The following OR1C1 variants were observed in gnomAD, a reference collection of about 807,000 sequenced individuals.
The protein encoded by OR1C1 is olfactory receptor family 1 subfamily C member 1.
For missense variants in OR1C1, 407 were observed against 384.3 expected (o/e 1.06, Z -0.49); for synonymous variants, 153 against 154.6 (o/e 0.99, Z 0.08).
rs2103232671 is a variant in OR1C1, at chr1:247,756,562, T to C, written c.*900A>G. On this transcript the variant is annotated 3_prime_UTR_variant, in exon 2 of 2. Transcript: ENST00000641256. The surrounding 1 kb of genome is among the most constrained non-coding windows in gnomAD (Gnocchi z 4.3). ...GTAAAATTGTAGAAAGGAACCGGAA[T>C]AGGTTGAATAAACAATTAGATTGGA... 1 of 152,312 alleles carries C rather than the reference T, an allele frequency of 6.6e-6. No homozygotes were observed. Among genetic ancestry groups the C allele is most frequent in the South Asian group, 2.1e-4 (1 of 4,830 alleles). 9.4% of individuals were successfully genotyped at this position (152,312 alleles called of 1,614,324 possible).
chr1:247,757,081 C>A lies in OR1C1; in HGVS notation c.*381G>T. On this transcript the variant is annotated 3_prime_UTR_variant, in exon 2 of 2. Transcript: ENST00000641256. ...GTCGAATTAACATTAGAATTTATGCCCCTTTAATTCTAAATCTGAACTCAC... is the reference window on the plus strand; with the variant it reads ...GTCGAATTAACATTAGAATTTATGCACCTTTAATTCTAAATCTGAACTCAC... 6.1e-6 allele frequency: 1 copy of A among 163,182 alleles called. No homozygotes were observed. The highest frequency in any genetic ancestry group is 1.3e-5 in the Non-Finnish European group (1 of 74,866). 10.1% of individuals were successfully genotyped at this position (163,182 alleles called of 1,614,324 possible).
At position 247,757,835 on chromosome 1, in the gene OR1C1, T is replaced by A. The variant is rs575345120; in HGVS notation, c.572A>T (p.Asp191Val). 2.5e-6 allele frequency: 4 copies of A among 1,613,884 alleles called. No homozygotes were observed. The highest frequency in any genetic ancestry group is 3.3e-5 in the Admixed American group (2 of 59,948). ...AATGATCATTACATTGAAGGAGACG[T>A]CAGAGCAAGAGAGCTGCAGGAGAGG... Reference protein sequence around the residue: ...LNPLLQLSCSDVSFNVMIIFA... With the variant: ...LNPLLQLSCSVVSFNVMIIFA... Residue 191 changes from aspartate (D) to valine (V), a missense_variant, in exon 2 of 2, where the codon GAC becomes GTC. Physicochemically the swap from Asp to Val is radical, Grantham distance 152. Transcript: ENST00000641256.
At position 247,757,754 on chromosome 1, in the gene OR1C1, T is replaced by C. The variant is rs546878207; in HGVS notation, c.653A>G (p.Tyr218Cys). 1.8e-4 allele frequency: 292 copies of C among 1,613,996 alleles called. 3 individuals carry two copies. In the South Asian group the frequency reaches 3.1e-3, roughly 17 times the overall value. ...CAGAACAGTGGAGAAGATAAGTCCA[T>C]AAGATACGAGGATACAGACAAGGGG... ...LTPLVCILVS[Y>C]GLIFSTVLKI... is the part of the protein sequence containing the mutation. Residue 218 changes from tyrosine (Y) to cysteine (C), a missense_variant, in exon 2 of 2, where the codon TAT becomes TGT. Tyr to Cys is a radical substitution (Grantham distance 194). Transcript: ENST00000641256.
chr1:247,758,388 T>G lies in OR1C1; in HGVS notation c.19A>C (p.Thr7Pro). MEKRNL[T>P]VVREFVLLGL... ...AGAAGGACGAATTCCCTGACAACTG[T>G]TAGATTTCTTTTTTCCATATTCCCA... Residue 7 changes from threonine (T) to proline (P), a missense_variant, in exon 2 of 2, where the codon ACA (threonine) becomes CCA (proline). Thr to Pro is a conservative substitution (Grantham distance 38). Coordinates refer to ENST00000641256, the MANE Select transcript of OR1C1 (RefSeq NM_012353.3). The G allele has an allele frequency of 6.2e-7, 1 of 1,603,422 alleles. No homozygotes were observed. Among genetic ancestry groups the G allele is most frequent in the East Asian group, 2.2e-5 (1 of 44,750 alleles).
Position 247,757,451 on chromosome 1 carries a change from C to T in OR1C1, c.*11G>A, listed in dbSNP as rs1283192101. The T allele has an allele frequency of 1.7e-5, 27 of 1,594,476 alleles. No homozygotes were observed. Among genetic ancestry groups the T allele is most frequent in the South Asian group, 6.7e-5 (6 of 90,216 alleles). ...CCACATTAGTATTATTTAATTCAGT[C>T]ACTGAGGTCATTATTGCTGCTGAAA... On this transcript the variant is annotated 3_prime_UTR_variant, in exon 2 of 2. Transcript: ENST00000641256.
Position 247,758,235 on chromosome 1 carries a change from G to T in OR1C1, c.172C>A (p.Pro58Thr), listed in dbSNP as rs774297476. The T allele has an allele frequency of 1.2e-6, 2 of 1,614,050 alleles. No homozygotes were observed. The highest frequency in any genetic ancestry group is 1.7e-6 in the Non-Finnish European group (2 of 1,180,004). Residue 58 changes from proline (P) to threonine (T), a missense_variant, in exon 2 of 2, where the codon CCT becomes ACT. Physicochemically the swap from Pro to Thr is conservative, Grantham distance 38. Transcript: ENST00000641256. The part of the protein sequence containing the change: ...TIGFDSHLHS[P>T]MYFFLSNLAF... ...AAGTTACTAAGGAAGAAGTACATAG[G>T]GGAATGGAGGTGAGAGTCAAAGCCA...
chr1:247,757,933 C>A lies in OR1C1; in HGVS notation c.474G>T (p.Leu158=). The A allele has an allele frequency of 6.2e-7, 1 of 1,613,978 alleles. No homozygotes were observed. Among genetic ancestry groups the A allele is most frequent in the Non-Finnish European group, 8.5e-7 (1 of 1,179,976 alleles). ...LWLVTYLHAL[L]HTVLIAQLSF... Reference sequence around the variant, plus strand: ...ACAGCTGTGCTATTAGGACAGTATGCAGGAGGGCGTGGAGGTAAGTAACAA... The same window carrying A: ...ACAGCTGTGCTATTAGGACAGTATGAAGGAGGGCGTGGAGGTAAGTAACAA... Residue 158 remains leucine (L), a synonymous_variant, in exon 2 of 2, where the codon CTG becomes CTT. Transcript: ENST00000641256.
chr1:247,760,079 A>G (rs553055602), intron 1 of OR1C1, among the ~76,000 whole-genome samples: 14 of 152,218 alleles, frequency 9.2e-5, no homozygotes, highest in Non-Finnish European at 1.8e-4. Context: ...ATTATATTGA[A>G]TCCTTAGGAT....
At chr1:247,758,527 C>T (rs1251464954) in intron 1 of OR1C1, 108 bp from the exon 2 acceptor site, 13 of 624,118 alleles carry the variant, frequency 2.1e-5, no homozygotes, top group South Asian at 8.1e-5. Context: ...TGCATGCGTG[C>T]GCAGGTAAGT....
In OR1C1 at chr1:247,757,396, T is replaced by C. The variant is rs1332431899; in HGVS notation, c.*66A>G. ...CAGTTGGTTTCTCTTCTCACTGTTA[T>C]TGTGAGCATCTAGTCACACTTTCTT... On this transcript the variant is annotated 3_prime_UTR_variant, in exon 2 of 2. Coordinates refer to ENST00000641256, the MANE Select transcript of OR1C1 (RefSeq NM_012353.3). The C allele has an allele frequency of 1.2e-5, 15 of 1,244,172 alleles. No homozygotes were observed. Among genetic ancestry groups the C allele is most frequent in the African/African-American group, 5.9e-5 (4 of 67,270 alleles). 77.1% of individuals were successfully genotyped at this position (1,244,172 alleles called of 1,614,324 possible).
Position 247,758,285 on chromosome 1 carries a change from C to A in OR1C1, c.122G>T (p.Gly41Val). 1 of 1,613,856 alleles carries A rather than the reference C, an allele frequency of 6.2e-7. No individual in the cohort carries two copies. The highest frequency in any genetic ancestry group is 8.5e-7 in the Non-Finnish European group (1 of 1,179,934). The change falls in exon 2 of 2, where the codon GGG becomes GTG. Residue 41 changes from glycine (G) to valine (V), a missense_variant. Coordinates refer to ENST00000641256, the MANE Select transcript of OR1C1 (RefSeq NM_012353.3). Reference protein sequence around the residue: ...FLCMYLATTLGNMLIIATIGF... With the variant: ...FLCMYLATTLVNMLIIATIGF... ...AATCGTCGCAATGATGAGCATGTTCCCCAAGGTGGTGGCTAAATACATACA... is the reference window on the plus strand; with the variant it reads ...AATCGTCGCAATGATGAGCATGTTCACCAAGGTGGTGGCTAAATACATACA...
At position 247,759,877 on chromosome 1, in the gene OR1C1, T is replaced by C. The variant is rs369238804; in HGVS notation, c.-14+535A>G. On this transcript the variant is annotated intron_variant, in intron 1 of 1. Coordinates refer to ENST00000641256, the MANE Select transcript of OR1C1 (RefSeq NM_012353.3). Reference sequence around the variant, plus strand: ...GTACGGAAAAGAAACTATGCATGTATTTGCATGCCTTTGAGGGAGAAGCAC... The same window carrying C: ...GTACGGAAAAGAAACTATGCATGTACTTGCATGCCTTTGAGGGAGAAGCAC... Among the ~76,000 whole-genome samples the C allele has an allele frequency of 9.2e-5, 14 of 152,300 alleles. No individual in the cohort carries two copies. In the East Asian group the frequency reaches 2.7e-3, roughly 29 times the overall value.
intron 1 of OR1C1, among the ~76,000 whole-genome samples, chr1:247,759,981 A>G (rs1661301470): frequency 6.6e-6 from 1 of 152,192 alleles, no homozygotes; most frequent in South Asian, 2.1e-4. Context: ...ACTATACAAT[A>G]TTCCTTTCAT....
rs1022277661 is a variant in OR1C1 at position 247,754,901 on chromosome 1, G to A, written c.*2561C>T. 2.0e-5 allele frequency: 3 copies of A among 152,108 alleles called. No individual in the cohort carries two copies. Among genetic ancestry groups the A allele is most frequent in the Non-Finnish European group, 4.4e-5 (3 of 68,004 alleles). The allele number at this position is 152,108 out of a possible 1,614,324, so 9.4% of individuals were successfully genotyped here. Reference sequence around the variant, plus strand: ...CAAAACATCCCTGTGTACTCCATAAGTGTGTATGATTATTTTATGCCAATT... The same window carrying A: ...CAAAACATCCCTGTGTACTCCATAAATGTGTATGATTATTTTATGCCAATT... On this transcript the variant is annotated 3_prime_UTR_variant, in exon 2 of 2. Coordinates refer to ENST00000641256, the MANE Select transcript of OR1C1 (RefSeq NM_012353.3).
In OR1C1 at chr1:247,757,651, G is replaced by A. The variant is rs746160922; in HGVS notation, c.756C>T (p.Tyr252=). The A allele has an allele frequency of 1.6e-5, 26 of 1,613,882 alleles. No homozygotes were observed. In the Admixed American group the frequency reaches 2.3e-4, roughly 14 times the overall value. ...SCHLSVVVLF[Y]GTAIAVYFSP... is the part of the protein sequence containing the mutation. ...TGAAATAGACGGCGATGGCTGTGCCGTAAAACAACACCACCACTGACAGGT... is the reference window on the plus strand; with the variant it reads ...TGAAATAGACGGCGATGGCTGTGCCATAAAACAACACCACCACTGACAGGT... Residue 252 remains tyrosine (Y), a synonymous_variant, in exon 2 of 2, where the codon TAC becomes TAT. Coordinates refer to ENST00000641256, the MANE Select transcript of OR1C1 (RefSeq NM_012353.3).
rs1661211318 is a variant in OR1C1, at chr1:247,756,378, A to G, written c.*1084T>C. On this transcript the variant is annotated 3_prime_UTR_variant, in exon 2 of 2. Transcript: ENST00000641256. This position sits in a 1 kb window ranked among gnomAD's most constrained non-coding sequence, Gnocchi z 4.3. ...TGAATGGATTTAAATTTTCTTATGT[A>G]TGTATGTATTTGGTCTTCCTTGAGA... 1 of 152,118 alleles carries G rather than the reference A, an allele frequency of 6.6e-6. No homozygotes were observed. The highest frequency in any genetic ancestry group is 1.5e-5 in the Non-Finnish European group (1 of 68,014). 9.4% of individuals were successfully genotyped at this position (152,118 alleles called of 1,614,324 possible).
intron 1 of OR1C1, among the ~76,000 whole-genome samples, chr1:247,759,842 G>A (rs936420693): frequency 6.6e-6 from 1 of 152,122 alleles, no homozygotes; most frequent in Admixed American, 6.6e-5. Flanking sequence ...AGCATGTCAG[G>A]ATAAAATCTG....
chr1:247,756,633 T>C lies in OR1C1; in HGVS notation c.*829A>G, dbSNP rs1022192141. 6.6e-6 allele frequency: 1 copy of C among 152,202 alleles called. No individual in the cohort carries two copies. Among genetic ancestry groups the C allele is most frequent in the African/African-American group, 2.4e-5 (1 of 41,458 alleles). The allele number at this position is 152,202 out of a possible 1,614,324, so 9.4% of individuals were successfully genotyped here. On this transcript the variant is annotated 3_prime_UTR_variant, in exon 2 of 2. Transcript: ENST00000641256. This position sits in a 1 kb window ranked among gnomAD's most constrained non-coding sequence, Gnocchi z 4.3. Reference sequence around the variant, plus strand: ...ATGGAGTCTATTTAATTGAATGACCTCAAATATAATTATTTTTGCATACAG... The same window carrying C: ...ATGGAGTCTATTTAATTGAATGACCCCAAATATAATTATTTTTGCATACAG...
Position 247,758,304 on chromosome 1 carries a change from A to C in OR1C1, c.103T>G (p.Tyr35Asp), listed in dbSNP as rs1338906327. 6.2e-7 allele frequency: 1 copy of C among 1,613,792 alleles called. No individual in the cohort carries two copies. The highest frequency in any genetic ancestry group is 1.3e-5 in the African/African-American group (1 of 74,922). Residue 35 changes from tyrosine (Y) to aspartate (D), a missense_variant, in exon 2 of 2, where the codon TAT becomes GAT. By Grantham distance (160) the Tyr-to-Asp change is radical (BLOSUM62 -3). Transcript: ENST00000641256. ...HLLSVLFLCMYLATTLGNMLI... is the reference protein window; with the variant it reads ...HLLSVLFLCMDLATTLGNMLI... ...ATGTTCCCCAAGGTGGTGGCTAAAT[A>C]CATACAGAGAAAGAGCACAGACAGG...
Sources: gnomAD v4.1 joint callset for allele counts (sites outside exome capture counted in the v4.1 genomes callset) on GRCh38, gnomAD v4.1.1 for gene constraint, Gnocchi (gnomAD v3.1) non-coding constraint, MANE v1.5 for transcripts, NCBI Gene and HGNC (gene_info 2026-07-23, HGNC 2026-07-21) for gene names.